PHF10: variants seen among roughly 807,000 people sequenced by gnomAD.
PHF10 encodes PHD finger protein 10.
PHF10 carries 51 observed loss-of-function variants against 68.5 expected under a neutral mutation model. The observed-to-expected ratio is 0.74, with a 90% confidence interval of 0.59 to 0.94. The LOEUF (loss-of-function observed/expected upper bound fraction) is 0.94, where lower values mean the gene tolerates loss of function less well. PHF10 is among the 40% of genes least tolerant of loss of function. PHF10 has a pLI of 0.00. For missense variants in PHF10, 460 were observed against 602.6 expected, an observed-to-expected ratio of 0.76 and a Z score of 2.48; for synonymous variants, 204 against 203.5, an observed-to-expected ratio of 1.00 and a Z score of -0.02.
rs746330271 is a variant in PHF10 at position 169,703,960 on chromosome 6, A to G, written c.*43T>C. On this transcript the variant is annotated 3_prime_UTR_variant, in exon 12 of 12. Coordinates refer to ENST00000339209, the MANE Select transcript of PHF10 (RefSeq NM_018288.4). ...AATAATGTTGTAAATGGCACCAAAT[A>G]TTCCACTTAAATGCATATACAGTAT... 1 of 1,408,452 alleles carries G rather than the reference A, an allele frequency of 7.1e-7. No homozygotes were observed. Among genetic ancestry groups the G allele is most frequent in the East Asian group, 2.6e-5 (1 of 38,552 alleles). The allele number at this position is 1,408,452 out of a possible 1,614,324, so 87.2% of individuals were successfully genotyped here. A position where few individuals can be genotyped will look rare whatever the true frequency, so the allele number is the denominator to read the frequency against.
At position 169,718,664 on chromosome 6, in the gene PHF10, A is replaced by C. The variant is rs150530187; in HGVS notation, c.325+124T>G. The stretch of plus-strand genomic sequence containing the variant: ...GCCTGGGTTACAGAATGAGACCCTT[A>C]GTCTTAAAAAAAAACAGCAAGCACA... On this transcript the variant is annotated intron_variant, in intron 3 of 11. Coordinates refer to ENST00000339209, the MANE Select transcript of PHF10 (RefSeq NM_018288.4). 900 of 616,328 alleles carry C rather than the reference A, an allele frequency of 1.5e-3. 2 individuals are homozygous for C. In the African/African-American group the frequency reaches 0.016, roughly 11 times the overall value. The allele number at this position is 616,328 out of a possible 1,614,324, so 38.2% of individuals were successfully genotyped here. A position where few individuals can be genotyped will look rare whatever the true frequency, so the allele number is the denominator to read the frequency against.
chr6:169,710,267 GA>G lies in PHF10; in HGVS notation c.1081del (p.Ser361LeufsTer24), dbSNP rs766520439. Reference protein sequence around the residue: ...ATPRKDGPKRSVLSKSVPGYK... With the variant: ...ATPRKDGPKRXVLSKSVPGYK... ...CCCAGGAACTGACTTGGACAGTACA[GA>G]ACGTTTGGGACCATCTTTTCTTGGA... On this transcript the variant is annotated frameshift_variant, in exon 9 of 12. Coordinates refer to ENST00000339209, the MANE Select transcript of PHF10 (RefSeq NM_018288.4). LOFTEE classifies it high-confidence loss of function. The G allele has an allele frequency of 1.8e-5, 29 of 1,612,670 alleles. No individual in the cohort carries two copies. The highest frequency in any genetic ancestry group is 2.5e-5 in the Non-Finnish European group (29 of 1,179,572).
In PHF10 at chr6:169,715,604, C is replaced by A; in HGVS notation, c.693+104G>T. ...CAAACAAACAAACAAAAAAAACACA[C>A]ACACATAGGTGGTACAAAAAATAAC... On this transcript the variant is annotated intron_variant, in intron 6 of 11. Coordinates refer to ENST00000339209, the MANE Select transcript of PHF10 (RefSeq NM_018288.4). 5.2e-6 allele frequency: 5 copies of A among 965,152 alleles called. No individual in the cohort carries two copies. The Middle Eastern group carries it at 1.7e-3, about 328-fold the overall frequency. The allele number at this position is 965,152 out of a possible 1,614,324, so 59.8% of individuals were successfully genotyped here.
intron 1 of PHF10, among the ~76,000 whole-genome samples, chr6:169,722,704 C>T (rs1789209088): frequency 6.6e-6 from 1 of 152,096 alleles, no homozygotes; most frequent in Non-Finnish European, 1.5e-5. Flanking sequence ...TCCGTGTAAC[C>T]GCAATACTGA....
At position 169,711,026 on chromosome 6, in the gene PHF10, T is replaced by G. The variant is rs138964851; in HGVS notation, c.958-635A>C. Reference sequence around the variant, plus strand: ...AAATGTTCTAATTAGAACTTTCATATAAATTACAAAAATTATAAATTAAAA... The same window carrying G: ...AAATGTTCTAATTAGAACTTTCATAGAAATTACAAAAATTATAAATTAAAA... On this transcript the variant is annotated intron_variant, in intron 8 of 11. Coordinates refer to ENST00000339209, the MANE Select transcript of PHF10 (RefSeq NM_018288.4). 1.6e-4 allele frequency among the ~76,000 whole-genome samples: 25 copies of G among 152,304 alleles called. No individual in the cohort carries two copies. The East Asian group carries it at 4.8e-3, about 29-fold the overall frequency.
At position 169,724,117 on chromosome 6, in the gene PHF10, C is replaced by T. The variant is rs1298268702; in HGVS notation, c.-186G>A. ...CGCGCCCCGCGGCCCGCCAGCGCCG[C>T]CGCCACCGCCATGGCCGTCGCCAGC... On this transcript the variant is annotated 5_prime_UTR_variant, in exon 1 of 12. Coordinates refer to ENST00000339209, the MANE Select transcript of PHF10 (RefSeq NM_018288.4). 1 of 144,458 alleles carries T rather than the reference C, an allele frequency of 6.9e-6. No homozygotes were observed. The highest frequency in any genetic ancestry group is 1.5e-5 in the Non-Finnish European group (1 of 65,296). 8.9% of individuals were successfully genotyped at this position (144,458 alleles called of 1,614,324 possible). A position where few individuals can be genotyped will look rare whatever the true frequency, so the allele number is the denominator to read the frequency against.
Position 169,713,151 on chromosome 6 carries a change from C to T in PHF10, c.804-612G>A, listed in dbSNP as rs1033289828. On this transcript the variant is annotated intron_variant, in intron 7 of 11. Coordinates refer to ENST00000339209, the MANE Select transcript of PHF10 (RefSeq NM_018288.4). ...TCTTCCCCTAGGTCAGACAGCACTGCTTCGTGCCACCTCCATTCTCACCCT... is the reference window on the plus strand; with the variant it reads ...TCTTCCCCTAGGTCAGACAGCACTGTTTCGTGCCACCTCCATTCTCACCCT... Among the ~76,000 whole-genome samples the T allele has an allele frequency of 6.6e-5, 10 of 152,164 alleles. 1 individual carries two copies. The highest frequency in any genetic ancestry group is 6.5e-4 in the Admixed American group (10 of 15,272).
intron 11 of PHF10, 76 bp downstream of exon 11, chr6:169,705,057 C>T (rs1788730603): frequency 1.2e-5 from 13 of 1,092,838 alleles, no homozygotes; most frequent in Admixed American, 4.7e-5. Flanking sequence ...GTCATGATAG[C>T]GTTTATGCAG....
Position 169,723,889 on chromosome 6 carries a change from G to C in PHF10, c.43C>G (p.Pro15Ala), listed in dbSNP as rs899656396. The C allele has an allele frequency of 1.0e-5, 11 of 1,090,572 alleles. No individual in the cohort carries two copies. The highest frequency in any genetic ancestry group is 1.2e-5 in the Non-Finnish European group (11 of 895,272). 67.6% of individuals were successfully genotyped at this position (1,090,572 alleles called of 1,614,324 possible). The change falls in exon 1 of 12, where the codon CCG becomes GCG. Residue 15 changes from proline (P) to alanine (A), a missense_variant. By Grantham distance (27) the Pro-to-Ala change is conservative. Around this residue, in one of 3 missense-constraint regions of PHF10, gnomAD observed 93 missense variants for 82.4 expected, o/e 1.13. Coordinates refer to ENST00000339209, the MANE Select transcript of PHF10 (RefSeq NM_018288.4). ...AGPGAALSPR[P>A]CDSDPATPGA... is the part of the protein sequence containing the mutation. ...GGGGTGGCTGGGTCGCTGTCGCACG[G>C]CCGCGGGGACAGCGCAGCCCCGGGC...
intron 3 of PHF10, 34 bp from the exon 4 acceptor site, chr6:169,717,940 A>C: frequency 1.9e-6 from 2 of 1,058,778 alleles, no homozygotes; most frequent in Non-Finnish European, 2.8e-6. Context: ...TATTAAAAAC[A>C]GCAAAACCTT....
rs185264541 is a variant in PHF10 at position 169,712,006 on chromosome 6, A to G, written c.957+380T>C. On this transcript the variant is annotated intron_variant, in intron 8 of 11. Transcript: ENST00000339209. The stretch of plus-strand genomic sequence containing the variant: ...ATTACTAAACATAATATTTTCCTAT[A>G]GGAAGCATAAGATTAAGCAAATGCA... Among the ~76,000 whole-genome samples the G allele has an allele frequency of 2.9e-4, 44 of 152,358 alleles. 1 individual carries two copies. In the East Asian group the frequency reaches 7.9e-3, roughly 27 times the overall value.
chr6:169,716,149 C>A, intron 4 of PHF10, 61 bp from the exon 5 acceptor site: 1 of 1,196,480 alleles, frequency 8.4e-7, no homozygotes. Flanking sequence ...TGAACAAAAG[C>A]ACTCTTCAAA....
At chr6:169,711,104 A>G (rs1195617466) in intron 8 of PHF10, among the ~76,000 whole-genome samples, 1 of 152,154 alleles carries the variant, frequency 6.6e-6, no homozygotes, top group Non-Finnish European at 1.5e-5. Context: ...AGAAACATGA[A>G]TGTATCTACT....
chr6:169,718,391 G>T (rs574976650), intron 3 of PHF10, among the ~76,000 whole-genome samples: 2 of 152,306 alleles, frequency 1.3e-5, no homozygotes, highest in Admixed American at 1.3e-4. Flanking sequence ...GCCAGGCGTG[G>T]TGGCTCACAC....
intron 9 of PHF10, chr6:169,707,762 A>G (rs1259570872): frequency 6.6e-6 from 1 of 152,206 alleles, no homozygotes; most frequent in Non-Finnish European, 1.5e-5. Context: ...TCTAAGTTTA[A>G]ATCATAATGA....
chr6:169,720,759 A>AT (rs1585305748), intron 2 of PHF10, among the ~76,000 whole-genome samples: 3 of 152,200 alleles, frequency 2.0e-5, no homozygotes, highest in Admixed American at 6.5e-5. Context: ...ACTGATGCCA[A>AT]TGAATTTCAC....
rs183768579 is a variant in PHF10 at position 169,723,642 on chromosome 6, G to T, written c.87+203C>A. 8.5e-3 allele frequency among the ~76,000 whole-genome samples: 1,286 copies of T among 152,106 alleles called. 13 individuals carry two copies. The highest frequency in any genetic ancestry group is 0.029 in the African/African-American group (1,211 of 41,518). On this transcript the variant is annotated intron_variant, in intron 1 of 11. Coordinates refer to ENST00000339209, the MANE Select transcript of PHF10 (RefSeq NM_018288.4). Reference sequence around the variant, plus strand: ...TCGGGGAAGCCGCGCCGCGTCCCCCGCCCGCCCGCACTTGTTGCTCGCTAG... The same window carrying T: ...TCGGGGAAGCCGCGCCGCGTCCCCCTCCCGCCCGCACTTGTTGCTCGCTAG...
At chr6:169,716,168 C>A in intron 4 of PHF10, 80 bp from the exon 5 acceptor site, 1 of 849,026 alleles carries the variant, frequency 1.2e-6, no homozygotes, top group Non-Finnish European at 1.8e-6. Flanking sequence ...AAATTTAATT[C>A]TTCAAACCGC....
intron 3 of PHF10, among the ~76,000 whole-genome samples, 165 bp downstream of exon 3, chr6:169,718,623 G>A (rs896911611): frequency 3.9e-5 from 6 of 152,164 alleles, no homozygotes; most frequent in South Asian, 2.1e-4. Context: ...AGCTATAATC[G>A]CACCAGTGCG....
Sources: gnomAD v4.1 joint callset for allele counts (sites outside exome capture counted in the v4.1 genomes callset) on GRCh38, gnomAD v4.1.1 for gene constraint, gnomAD v4.1.1 regional missense constraint, MANE v1.5 for transcripts, NCBI Gene and HGNC (gene_info 2026-07-23, HGNC 2026-07-21) for gene names.